KLRD1: variants seen among roughly 807,000 people sequenced by gnomAD.
The protein encoded by KLRD1 is killer cell lectin like receptor D1.
A neutral mutation model predicts 22.6 loss-of-function variants in KLRD1; 21 were observed. The ratio of observed to expected loss-of-function variants is 0.93; its 90% CI spans 0.66 to 1.34. KLRD1 has a LOEUF of 1.34. Ranked by LOEUF, KLRD1 falls within the 40% of genes most tolerant of loss-of-function variation. The probability of loss-of-function intolerance (pLI) is 0.00; values close to 1 mark genes in which losing one functional copy is unlikely to be tolerated. For missense variants in KLRD1, 183 were observed against 208.6 expected, an observed-to-expected ratio of 0.88 and a Z score of 0.76; for synonymous variants, 59 against 71.1, an observed-to-expected ratio of 0.83 and a Z score of 0.85.
At chr12:10,312,792 C>G (rs1950119257) in intron 4 of KLRD1, among the ~76,000 whole-genome samples, 1 of 151,162 alleles carries the variant, frequency 6.6e-6, no homozygotes, top group Non-Finnish European at 1.5e-5. Flanking sequence ...TCGAGACCAT[C>G]CTGGCTAACA....
upstream of KLRD1, among the ~76,000 whole-genome samples, chr12:10,302,651 C>G (rs10772255): frequency 0.69 from 105,344 of 151,622 alleles, 36,652 homozygotes; most frequent in Middle Eastern, 0.75. Context: ...GGTTGAGGGG[C>G]AGTGAAACCA....
intron 1 of KLRD1, among the ~76,000 whole-genome samples, chr12:10,266,453 T>C (rs551179842): frequency 1.3e-5 from 2 of 152,170 alleles, no homozygotes; most frequent in South Asian, 4.1e-4. Context: ...GCTCATCTTT[T>C]AAAAAAATTC....
At position 10,239,476 on chromosome 12, in the gene KLRD1, TC is replaced by T. The variant is rs1227798384; in HGVS notation, c.-101+13245del. Among the ~76,000 whole-genome samples, 3 of 128,226 alleles carry T rather than the reference TC, an allele frequency of 2.3e-5. 1 individual carries two copies. Among genetic ancestry groups the T allele is most frequent in the African/African-American group, 7.4e-5 (2 of 27,020 alleles). The allele number at this position is 128,226 out of a possible 152,430, so 84.1% of individuals were successfully genotyped here. ...TTCCTTCCTTCCTTCCTTCCTTCCT[TC>T]CTTCCTTCTTCCTTCCTTCCTTCCT... On this transcript the variant is annotated intron_variant, in intron 1 of 5. Transcript: ENST00000544747.
At chr12:10,241,780 A>G (rs1214761936) in intron 1 of KLRD1, among the ~76,000 whole-genome samples, 2 of 152,184 alleles carry the variant, frequency 1.3e-5, no homozygotes, top group Non-Finnish European at 2.9e-5. Context: ...GTATGTATAT[A>G]TATATGCATA....
intron 1 of KLRD1, among the ~76,000 whole-genome samples, chr12:10,244,500 G>C (rs993311046): frequency 1.3e-5 from 2 of 152,144 alleles, no homozygotes; most frequent in African/African-American, 4.8e-5. Flanking sequence ...AAAACTTCAG[G>C]GACTGGCACG....
chr12:10,314,635 C>CAGG (rs1466111442), intron 5 of KLRD1, 38 bp from the exon 6 acceptor site: 1 of 1,505,860 alleles, frequency 6.6e-7, no homozygotes, highest in Non-Finnish European at 8.8e-7. Flanking sequence ...ATTCTTACTT[C>CAGG]CTTTTTGTGT....
chr12:10,246,995 C>T (rs980291609), intron 1 of KLRD1, among the ~76,000 whole-genome samples: 60 of 145,644 alleles, frequency 4.1e-4, no homozygotes, highest in Non-Finnish European at 6.8e-4. Context: ...TGCCGTGGCA[C>T]GATCTCGGCT....
At position 10,312,252 on chromosome 12, in the gene KLRD1, G is replaced by A. The variant is rs538425675; in HGVS notation, c.315+637G>A. Among the ~76,000 whole-genome samples the A allele has an allele frequency of 5.3e-5, 8 of 151,836 alleles. No individual in the cohort carries two copies. In the South Asian group the frequency reaches 1.3e-3, roughly 24 times the overall value. On this transcript the variant is annotated intron_variant, in intron 4 of 5. Transcript: ENST00000336164. ...TTTTTAGTAGAGACAGGGTTTCACC[G>A]TATTGGCGAGGCTGGTCTTGAACTC...
At chr12:10,247,225 C>T (rs1052584255) in intron 1 of KLRD1, among the ~76,000 whole-genome samples, 1 of 152,160 alleles carries the variant, frequency 6.6e-6, no homozygotes, top group Non-Finnish European at 1.5e-5. Flanking sequence ...TCTCCACATA[C>T]TTCTACTGAG....
At chr12:10,287,306 A>G (rs1278710275) in intron 1 of KLRD1, among the ~76,000 whole-genome samples, 3 of 152,224 alleles carry the variant, frequency 2.0e-5, no homozygotes, top group Non-Finnish European at 4.4e-5. Context: ...TGAGATTGGT[A>G]TAGTCAATAA....
intron 1 of KLRD1, among the ~76,000 whole-genome samples, chr12:10,239,915 T>TA (rs1300694659): frequency 6.6e-6 from 1 of 152,002 alleles, no homozygotes; most frequent in Admixed American, 6.6e-5. Flanking sequence ...GTGTTGGGAT[T>TA]ACAGACGTGA....
At chr12:10,311,692 T>C in intron 4 of KLRD1, 77 bp downstream of exon 4, 10 of 1,400,464 alleles carry the variant, frequency 7.1e-6, no homozygotes, top group Non-Finnish European at 8.9e-6. Context: ...AATACTTTGG[T>C]TTAAGTCATT....
At chr12:10,255,731 G>A (rs1469656229) in intron 1 of KLRD1, among the ~76,000 whole-genome samples, 1 of 152,098 alleles carries the variant, frequency 6.6e-6, no homozygotes, top group Admixed American at 6.5e-5. Flanking sequence ...AATTAATTAA[G>A]ACCAGTTTTG....
rs770884157 is a variant in KLRD1, at chr12:10,328,849, C to A, written c.*14056C>A. The A allele has an allele frequency of 5.9e-5, 9 of 152,290 alleles. No individual in the cohort carries two copies. The South Asian group carries it at 1.0e-3, about 18-fold the overall frequency. 9.4% of individuals were successfully genotyped at this position (152,290 alleles called of 1,614,324 possible). ...GGCTGGGGAGGCCTCACTATCATGG[C>A]AGAAGGTAAAACACATGTCTCACAT... On this transcript the variant is annotated 3_prime_UTR_variant, in exon 6 of 6. Transcript: ENST00000336164.
intron 1 of KLRD1, among the ~76,000 whole-genome samples, chr12:10,297,042 G>A (rs1455402059): frequency 6.6e-6 from 1 of 152,168 alleles, no homozygotes; most frequent in African/African-American, 2.4e-5. Flanking sequence ...TTAGAGAACT[G>A]CACTAAAGGT....
At chr12:10,278,708 G>A (rs1949613717) in intron 1 of KLRD1, among the ~76,000 whole-genome samples, 1 of 152,150 alleles carries the variant, frequency 6.6e-6, no homozygotes, top group Non-Finnish European at 1.5e-5. Context: ...TCCGAAAACT[G>A]CCACTTAAGT....
intron 1 of KLRD1, among the ~76,000 whole-genome samples, chr12:10,281,662 G>C (rs981850099): frequency 9.2e-5 from 14 of 152,120 alleles, no homozygotes; most frequent in Non-Finnish European, 1.9e-4. Flanking sequence ...TCTCATCTGA[G>C]TTCAGTTGGA....
intron 4 of KLRD1, among the ~76,000 whole-genome samples, chr12:10,312,957 A>C (rs1458583010): frequency 1.3e-5 from 2 of 151,746 alleles, no homozygotes; most frequent in Non-Finnish European, 2.9e-5. Context: ...ACTGCACTCC[A>C]GCCTGGGCGA....
intron 1 of KLRD1, among the ~76,000 whole-genome samples, chr12:10,252,016 C>T (rs1468876033): frequency 6.6e-6 from 1 of 152,278 alleles, no homozygotes; most frequent in Non-Finnish European, 1.5e-5. Context: ...ACACATTTCT[C>T]CTGAATTCTG....
Sources: gnomAD v4.1 joint callset for allele counts (sites outside exome capture counted in the v4.1 genomes callset) on GRCh38, gnomAD v4.1.1 for gene constraint, MANE v1.5 for transcripts, NCBI Gene and HGNC (gene_info 2026-07-23, HGNC 2026-07-21) for gene names.